The following KIAA1671 variants were observed in gnomAD, a reference collection of about 807,000 sequenced individuals.
The protein encoded by KIAA1671 is uncharacterized protein KIAA1671.
A neutral mutation model predicts 131.2 loss-of-function variants in KIAA1671; 52 were observed. That is an observed-to-expected ratio of 0.40 (90% confidence interval 0.32 to 0.50). The LOEUF is 0.50. Among genes scored for constraint, KIAA1671 ranks in the 20% least tolerant of loss-of-function variants. The pLI is 0.73. For missense variants in KIAA1671, 2,360 were observed against 2,364.2 expected (o/e 1.00, Z 0.04); for synonymous variants, 1,003 against 961.6 (o/e 1.04, Z -0.80).
chr22:25,113,668 A>G (rs1196370645), intron 6 of KIAA1671, among the ~76,000 whole-genome samples: 1 of 152,240 alleles, frequency 6.6e-6, no homozygotes, highest in Non-Finnish European at 1.5e-5. Flanking sequence ...AATGCAAGGC[A>G]GGAGCCGAGC....
At chr22:24,979,170 A>ATTTTTTTTTTTT (rs71191010) in intron 1 of KIAA1671, among the ~76,000 whole-genome samples, 7 of 81,702 alleles carry the variant, frequency 8.6e-5, no homozygotes, top group African/African-American at 3.9e-4. Context: ...TAATTTTTGT[A>ATTTTTTTTTTTT]TTTTTTTTTT....
intron 1 of KIAA1671, among the ~76,000 whole-genome samples, chr22:25,001,159 A>G (rs1326439370): frequency 6.6e-6 from 1 of 150,660 alleles, no homozygotes; most frequent in African/African-American, 2.5e-5. Flanking sequence ...AAATGTGTGT[A>G]TGTGTATGTA....
In KIAA1671 at chr22:25,038,857, T is replaced by G; in HGVS notation, c.1727T>G (p.Val576Gly). ...RDKSRQTEQKVSSNQDPDSCR... is the reference protein window; with the variant it reads ...RDKSRQTEQKGSSNQDPDSCR... Reference sequence around the variant, plus strand: ...AAGTCCAGGCAGACGGAGCAGAAGGTTAGCTCTAACCAAGACCCCGACAGC... The same window carrying G: ...AAGTCCAGGCAGACGGAGCAGAAGGGTAGCTCTAACCAAGACCCCGACAGC... Residue 576 changes from valine to glycine, a missense_variant, in exon 5 of 13, where the codon GTT becomes GGT. This residue lies in a region of KIAA1671 where 1,185 missense variants were observed against 1,126.2 expected (regional missense o/e 1.05). Coordinates refer to ENST00000358431, the MANE Select transcript of KIAA1671 (RefSeq NM_001145206.2). 6.4e-7 allele frequency: 1 copy of G among 1,551,478 alleles called. No individual in the cohort carries two copies. The highest frequency in any genetic ancestry group is 1.2e-5 in the South Asian group (1 of 84,012).
intron 6 of KIAA1671, among the ~76,000 whole-genome samples, chr22:25,108,862 C>T (rs1601322244): frequency 6.6e-6 from 1 of 152,234 alleles, no homozygotes; most frequent in East Asian, 1.9e-4. Flanking sequence ...AGATACTGGC[C>T]AGGTCTACGG....
intron 1 of KIAA1671, among the ~76,000 whole-genome samples, chr22:24,979,832 T>C (rs1923134552): frequency 1.3e-5 from 2 of 152,170 alleles, no homozygotes; most frequent in South Asian, 4.1e-4. Flanking sequence ...TTATTTTCTT[T>C]CTCTATGAAT....
chr22:24,953,408 G>A (rs138602110), intron 1 of KIAA1671, among the ~76,000 whole-genome samples: 1,761 of 152,202 alleles, frequency 0.012, 13 homozygotes, highest in Middle Eastern at 0.048. Context: ...AGGACAGCGC[G>A]GTGGTTCGGG....
chr22:25,135,601 CAT>C (rs1932642498), intron 6 of KIAA1671, among the ~76,000 whole-genome samples: 1 of 152,192 alleles, frequency 6.6e-6, no homozygotes, highest in African/African-American at 2.4e-5. Flanking sequence ...TGAAGTCAGA[CAT>C]GTGACTAATT....
At chr22:25,170,269 A>G (rs1451448898) in intron 6 of KIAA1671, among the ~76,000 whole-genome samples, 1 of 152,218 alleles carries the variant, frequency 6.6e-6, no homozygotes, top group African/African-American at 2.4e-5. Context: ...GATCGTAATA[A>G]GATCCACCCC....
intron 1 of KIAA1671, among the ~76,000 whole-genome samples, chr22:24,984,920 A>G (rs1160607586): frequency 6.6e-6 from 1 of 150,532 alleles, no homozygotes; most frequent in Non-Finnish European, 1.5e-5. Flanking sequence ...CTCAAAAAAA[A>G]AAAAAAAAAA....
chr22:25,080,981 C>G (rs1482343676), intron 6 of KIAA1671, among the ~76,000 whole-genome samples: 2 of 152,196 alleles, frequency 1.3e-5, no homozygotes, highest in East Asian at 3.9e-4. Flanking sequence ...GAGGCCCCAG[C>G]CCTAACTGTT....
chr22:24,982,196 A>G (rs1325136606), intron 1 of KIAA1671, among the ~76,000 whole-genome samples: 1 of 152,242 alleles, frequency 6.6e-6, no homozygotes, highest in Admixed American at 6.5e-5. Flanking sequence ...ATGTATTATT[A>G]CTGTCAATTG....
intron 6 of KIAA1671, among the ~76,000 whole-genome samples, chr22:25,170,504 G>C (rs1933809730): frequency 6.6e-6 from 1 of 152,268 alleles, no homozygotes; most frequent in African/African-American, 2.4e-5. Flanking sequence ...AGGCTGTACT[G>C]TGAGGAGGAG....
intron 6 of KIAA1671, among the ~76,000 whole-genome samples, chr22:25,069,206 C>G (rs978528435): frequency 5.3e-5 from 8 of 152,120 alleles, no homozygotes; most frequent in African/African-American, 1.9e-4. Flanking sequence ...ACCATGAAAA[C>G]TAAACTAGAT....
chr22:25,004,331 A>G (rs1924628852), intron 1 of KIAA1671, among the ~76,000 whole-genome samples: 1 of 151,914 alleles, frequency 6.6e-6, no homozygotes, highest in African/African-American at 2.4e-5. Flanking sequence ...GCCCAAGCTG[A>G]TCCTGAACTC....
At chr22:24,963,075 C>T (rs988030932) in intron 1 of KIAA1671, among the ~76,000 whole-genome samples, 2 of 152,136 alleles carry the variant, frequency 1.3e-5, no homozygotes, top group African/African-American at 4.8e-5. Flanking sequence ...AGGCCACTCA[C>T]TCTCTCCTTC....
chr22:25,022,585 A>G (rs1925733827), intron 1 of KIAA1671: 1 of 152,196 alleles, frequency 6.6e-6, no homozygotes, highest in Non-Finnish European at 1.5e-5. Flanking sequence ...TGCATGAAAT[A>G]GCAGAAAATG....
chr22:25,192,205 A>G (rs1326500975), intron 12 of KIAA1671, among the ~76,000 whole-genome samples: 2 of 152,004 alleles, frequency 1.3e-5, no homozygotes, highest in Non-Finnish European at 2.9e-5. Flanking sequence ...CCTAAATTTC[A>G]TGTTGGTTTC....
chr22:25,036,411 A>G (rs763427021), intron 4 of KIAA1671, among the ~76,000 whole-genome samples: 1 of 152,224 alleles, frequency 6.6e-6, no homozygotes, highest in African/African-American at 2.4e-5. Flanking sequence ...AAAAAAGTAC[A>G]CATAACATAA....
chr22:25,173,887 G>A lies in KIAA1671; in HGVS notation c.4650-353G>A, dbSNP rs192458534. ...GTATAGGAAATCCAGTGTGTAAGAT[G>A]CTCACGGCATATCTCAGCTCTGTCA... is the stretch of plus-strand genomic sequence containing the variant. On this transcript the variant is annotated intron_variant, in intron 7 of 12. Transcript: ENST00000358431. 2.0e-5 allele frequency among the ~76,000 whole-genome samples: 3 copies of A among 152,268 alleles called. No individual in the cohort carries two copies. The East Asian group carries it at 5.8e-4, about 29-fold the overall frequency.
Sources: allele counts gnomAD v4.1 joint callset (sites outside exome capture counted in the v4.1 genomes callset), GRCh38; gene constraint gnomAD v4.1.1; regional missense constraint gnomAD v4.1.1; transcripts MANE v1.5; gene names NCBI Gene and HGNC (gene_info 2026-07-23, HGNC 2026-07-21).